SRRM4: variants seen among roughly 807,000 people sequenced by gnomAD.
The protein encoded by SRRM4 is serine/arginine repetitive matrix 4.
A neutral mutation model predicts 68.9 loss-of-function variants in SRRM4; 33 were observed. That is an observed-to-expected ratio of 0.48 (90% CI 0.36 to 0.64). SRRM4 has a LOEUF of 0.64. Among genes scored for constraint, SRRM4 ranks in the 30% least tolerant of loss-of-function variants. SRRM4 has a pLI of 0.00. For synonymous variants in SRRM4, 318 were observed against 318.8 expected (o/e 1.00, Z 0.03); for missense variants, 817 against 827.1 (o/e 0.99, Z 0.15).
chr12:118,987,126 A>T (rs559707987), intron 1 of SRRM4, among the ~76,000 whole-genome samples: 1 of 152,188 alleles, frequency 6.6e-6, no homozygotes, highest in East Asian at 1.9e-4. Flanking sequence ...TTTCTTTGCT[A>T]CGTGCAAGCT....
Position 119,154,248 on chromosome 12 carries a change from G to A in SRRM4, c.1397G>A (p.Arg466Gln). The A allele has an allele frequency of 1.1e-5, 17 of 1,603,886 alleles. No individual in the cohort carries two copies. Among genetic ancestry groups the A allele is most frequent in the Non-Finnish European group, 1.4e-5 (17 of 1,174,622 alleles). Residue 466 changes from arginine to glutamine, a missense_variant, in exon 12 of 13, where the codon CGG becomes CAG. Transcript: ENST00000267260. This position sits in a 1 kb window ranked among gnomAD's most constrained non-coding sequence, Gnocchi z 4.7. Reference sequence around the variant, plus strand: ...AACCCCCCGCGCCCCTTCAGGGAGCGGGATCCCAAATACAGTGAGAAGGAC... The same window carrying A: ...AACCCCCCGCGCCCCTTCAGGGAGCAGGATCCCAAATACAGTGAGAAGGAC... ...SYSRYSPSRE[R>Q]DPKYSEKDSQ...
Position 119,145,525 on chromosome 12 carries a change from G to A in SRRM4, c.916G>A (p.Gly306Ser), listed in dbSNP as rs377653966. The change falls in exon 9 of 13, where the codon GGC (glycine) becomes AGC (serine). Residue 306 changes from glycine (G) to serine (S), a missense_variant. Transcript: ENST00000267260. ...GCAAACCAGCTCAGCCAGGTCTCGG[G>A]GCCAGGAGAAGGGGAGCCCCAGTGG... ...STQTSSARSRGQEKGSPSGGL... is the reference protein window; with the variant it reads ...STQTSSARSRSQEKGSPSGGL... 1.2e-6 allele frequency: 2 copies of A among 1,608,580 alleles called. No homozygotes were observed. The highest frequency in any genetic ancestry group is 2.7e-5 in the African/African-American group (2 of 74,652).
intron 2 of SRRM4, among the ~76,000 whole-genome samples, chr12:119,106,557 TTC>T (rs1954108916): frequency 6.6e-6 from 1 of 152,196 alleles, no homozygotes; most frequent in Admixed American, 6.5e-5. Flanking sequence ...AGATATTTTA[TTC>T]TCTTTGAAGC....
intron 9 of SRRM4, among the ~76,000 whole-genome samples, chr12:119,147,739 C>T (rs1368396355): frequency 6.6e-6 from 1 of 152,228 alleles, no homozygotes; most frequent in Non-Finnish European, 1.5e-5. Context: ...AACACACTCA[C>T]TAGATGCAGT....
At chr12:118,990,376 A>C (rs1329499464) in intron 1 of SRRM4, among the ~76,000 whole-genome samples, 1 of 152,184 alleles carries the variant, frequency 6.6e-6, no homozygotes, top group Non-Finnish European at 1.5e-5. Context: ...AGACACACGT[A>C]GATGTGAATT....
chr12:119,048,728 C>G (rs1953723116), intron 1 of SRRM4, among the ~76,000 whole-genome samples: 1 of 152,154 alleles, frequency 6.6e-6, no homozygotes, highest in South Asian at 2.1e-4. Flanking sequence ...AGTTCAAGAG[C>G]AGCCTGGCCA....
intron 8 of SRRM4, among the ~76,000 whole-genome samples, chr12:119,136,587 A>G (rs1954329811): frequency 6.6e-6 from 1 of 152,230 alleles, no homozygotes; most frequent in Non-Finnish European, 1.5e-5. Context: ...GGGAGATTTT[A>G]CCATCAGAAG....
At position 119,102,353 on chromosome 12, in the gene SRRM4, T is replaced by C; in HGVS notation, c.249T>C (p.Cys83=). ...GTNSWERDKT[C]RELGATRGHS... ...ACAGTTGGGAGAGAGACAAGACCTG[T>C]CGGGAACTGGGTGCCACCAGAGGAC... Residue 83 remains cysteine, a synonymous_variant, in exon 2 of 13, where the codon TGT becomes TGC. Transcript: ENST00000267260. The C allele has an allele frequency of 6.2e-7, 1 of 1,613,000 alleles. No homozygotes were observed. The highest frequency in any genetic ancestry group is 8.5e-7 in the Non-Finnish European group (1 of 1,179,494).
chr12:119,034,839 T>A (rs1032548426), intron 1 of SRRM4, among the ~76,000 whole-genome samples: 32 of 151,430 alleles, frequency 2.1e-4, no homozygotes, highest in African/African-American at 7.4e-4. Context: ...TTCCTAATCA[T>A]TTTTTTGTCA....
intron 1 of SRRM4, among the ~76,000 whole-genome samples, chr12:119,044,947 G>C (rs1198625057): frequency 3.3e-5 from 5 of 152,148 alleles, no homozygotes; most frequent in Non-Finnish European, 7.4e-5. Flanking sequence ...CCTTGAACAA[G>C]TTAATTACTT....
intron 1 of SRRM4, among the ~76,000 whole-genome samples, chr12:119,075,153 G>C (rs940427090): frequency 1.4e-4 from 21 of 152,116 alleles, no homozygotes; most frequent in African/African-American, 4.8e-4. Context: ...TGAAATAAAT[G>C]TTAATTGGTT....
At chr12:119,103,020 T>C (rs894620911) in intron 2 of SRRM4, among the ~76,000 whole-genome samples, 3 of 152,120 alleles carry the variant, frequency 2.0e-5, no homozygotes, top group Non-Finnish European at 2.9e-5. Context: ...AGTTTTGAAC[T>C]CCAGTCTCTC....
intron 1 of SRRM4, among the ~76,000 whole-genome samples, chr12:119,083,658 C>T (rs1034123232): frequency 1.3e-5 from 2 of 152,142 alleles, no homozygotes; most frequent in East Asian, 3.9e-4. Flanking sequence ...ATGTCTAATG[C>T]TGCATATAAG....
At chr12:119,073,190 G>A (rs1007583877) in intron 1 of SRRM4, among the ~76,000 whole-genome samples, 1 of 152,162 alleles carries the variant, frequency 6.6e-6, no homozygotes. Flanking sequence ...GAAGTTCAGG[G>A]ATGTATATGA....
chr12:119,151,495 A>G (rs1343885494), intron 10 of SRRM4, among the ~76,000 whole-genome samples: 1 of 152,214 alleles, frequency 6.6e-6, no homozygotes, highest in Admixed American at 6.5e-5. Flanking sequence ...CATAATGAAT[A>G]TCAGTTATTA....
chr12:119,050,486 G>A (rs1287266541), intron 1 of SRRM4, among the ~76,000 whole-genome samples: 1 of 152,216 alleles, frequency 6.6e-6, no homozygotes, highest in African/African-American at 2.4e-5. Flanking sequence ...TTTTCCTCTT[G>A]AGGTAATACG....
chr12:119,092,056 G>C (rs1212048878), intron 1 of SRRM4, among the ~76,000 whole-genome samples: 1 of 152,168 alleles, frequency 6.6e-6, no homozygotes, highest in Non-Finnish European at 1.5e-5. Flanking sequence ...GAATCACTGT[G>C]TCTAAATGAA....
At chr12:119,071,913 A>C (rs968010629) in intron 1 of SRRM4, among the ~76,000 whole-genome samples, 4 of 152,202 alleles carry the variant, frequency 2.6e-5, no homozygotes, top group Admixed American at 1.3e-4. Context: ...TCTGGCACAC[A>C]GTCCATGCCC....
rs147634656 is a variant in SRRM4 at position 119,157,680 on chromosome 12, C to T, written c.*882C>T. 2,181 of 152,698 alleles carry T rather than the reference C, an allele frequency of 0.014. 25 individuals carry two copies. The highest frequency in any genetic ancestry group is 0.027 in the Middle Eastern group (8 of 296). 9.5% of individuals were successfully genotyped at this position (152,698 alleles called of 1,614,324 possible). A position where few individuals can be genotyped will look rare whatever the true frequency, so the allele number is the denominator to read the frequency against. On this transcript the variant is annotated 3_prime_UTR_variant, in exon 13 of 13. Coordinates refer to ENST00000267260, the MANE Select transcript of SRRM4 (RefSeq NM_194286.4). This position sits in a 1 kb window ranked among gnomAD's most constrained non-coding sequence, Gnocchi z 4.1. ...CCTCAGCCCCACTAGCTGGCACCAA[C>T]TTAATTCCACGGGACCATCTGCTGA...
Sources: gnomAD v4.1 joint callset for allele counts (sites outside exome capture counted in the v4.1 genomes callset) on GRCh38, gnomAD v4.1.1 for gene constraint, Gnocchi (gnomAD v3.1) non-coding constraint, MANE v1.5 for transcripts, NCBI Gene and HGNC (gene_info 2026-07-23, HGNC 2026-07-21) for gene names.